Variants in VPS13B observed in about 807,000 individuals in gnomAD.
VPS13B encodes vacuolar protein sorting 13 homolog B.
VPS13B carries 285 observed loss-of-function variants against 426.4 expected under a neutral mutation model. The ratio of observed to expected loss-of-function variants is 0.67; its 90% CI spans 0.61 to 0.74. VPS13B has a LOEUF of 0.74. VPS13B is among the 30% of genes least tolerant of loss of function. VPS13B has a pLI of 0.00. For synonymous variants in VPS13B, 1,676 were observed against 1,676.4 expected (o/e 1.00, Z 0.01); for missense variants, 4,537 against 4,782.6 (o/e 0.95, Z 1.51).
At chr8:99,108,663 C>A (rs1444141737) in intron 5 of VPS13B, among the ~76,000 whole-genome samples, 1 of 152,004 alleles carries the variant, frequency 6.6e-6, no homozygotes, top group African/African-American at 2.4e-5. Context: ...CAGTACCGTA[C>A]TGTTTTGGTT....
intron 33 of VPS13B, among the ~76,000 whole-genome samples, chr8:99,595,796 T>A (rs988519211): frequency 1.3e-5 from 2 of 151,880 alleles, no homozygotes; most frequent in African/African-American, 4.8e-5. Flanking sequence ...TAAAAAGGAC[T>A]CTTATAACTC....
rs1287209696 is a variant in VPS13B, at chr8:99,876,332, G to GAAGT, written c.*667_*670dup. On this transcript the variant is annotated 3_prime_UTR_variant, in exon 62 of 62. Transcript: ENST00000357162. Reference sequence around the variant, plus strand: ...GAAAGCTGCTATGTGTATTTTCTCTGAAGTCTGCATTTTACTAAAATTTAC... The same window carrying GAAGT: ...GAAAGCTGCTATGTGTATTTTCTCTGAAGTAAGTCTGCATTTTACTAAAATTTAC... 1 of 152,156 alleles carries GAAGT rather than the reference G, an allele frequency of 6.6e-6. No homozygotes were observed. The highest frequency in any genetic ancestry group is 2.4e-5 in the African/African-American group (1 of 40,956). The allele number at this position is 152,156 out of a possible 1,614,324, so 9.4% of individuals were successfully genotyped here.
intron 21 of VPS13B, among the ~76,000 whole-genome samples, chr8:99,403,270 T>C (rs1375188118): frequency 6.6e-6 from 1 of 152,126 alleles, no homozygotes; most frequent in Non-Finnish European, 1.5e-5. Flanking sequence ...AAACAGGTCT[T>C]ATCCAGTGCC....
chr8:99,821,151 CA>C (rs1814340162), intron 49 of VPS13B, 142 bp from the exon 50 acceptor site: 1 of 641,984 alleles, frequency 1.6e-6, no homozygotes, highest in Non-Finnish European at 2.7e-6. Flanking sequence ...CACACACACA[CA>C]CACACACACA....
intron 33 of VPS13B, among the ~76,000 whole-genome samples, chr8:99,611,852 A>G (rs1827855935): frequency 6.6e-6 from 1 of 152,134 alleles, no homozygotes; most frequent in Non-Finnish European, 1.5e-5. Context: ...AAATACAGAT[A>G]AAGGATAAGA....
At chr8:99,692,851 G>A (rs1485757049) in intron 35 of VPS13B, among the ~76,000 whole-genome samples, 2 of 145,952 alleles carry the variant, frequency 1.4e-5, no homozygotes, top group Non-Finnish European at 3.0e-5. Flanking sequence ...AATAAAAAAT[G>A]ATAAAGGGGA....
At chr8:99,779,676 T>G (rs1042658918) in intron 42 of VPS13B, among the ~76,000 whole-genome samples, 11 of 152,190 alleles carry the variant, frequency 7.2e-5, no homozygotes, top group African/African-American at 4.8e-5. Flanking sequence ...AAGTGGCATA[T>G]TTAAAATGGG....
Position 99,147,864 on chromosome 8 carries a change from A to G in VPS13B, c.1867A>G (p.Ile623Val), listed in dbSNP as rs772230700. Residue 623 changes from isoleucine to valine, a missense_variant, in exon 14 of 62, where the codon ATA (isoleucine) becomes GTA (valine). Ile to Val is a conservative substitution (Grantham distance 29, BLOSUM62 3). This residue lies in a region of VPS13B where 4,311 missense variants were observed against 4,474.3 expected (regional missense o/e 0.96). Transcript: ENST00000357162. The stretch of plus-strand genomic sequence containing the variant: ...AGATATTAAGGATGAAAATGAAACA[A>G]TACTGAATCCTGAAGAGGTGGCTCT... ...KSDIKDENETILNPEEVALLE... is the reference protein window; with the variant it reads ...KSDIKDENETVLNPEEVALLE... 6.3e-7 allele frequency: 1 copy of G among 1,586,094 alleles called. No individual in the cohort carries two copies. The highest frequency in any genetic ancestry group is 8.6e-7 in the Non-Finnish European group (1 of 1,166,418).
At chr8:99,633,396 T>C (rs1468710573) in intron 33 of VPS13B, among the ~76,000 whole-genome samples, 2 of 152,028 alleles carry the variant, frequency 1.3e-5, no homozygotes, top group African/African-American at 4.8e-5. Context: ...TTCATCTGCT[T>C]CAGGGTCAGG....
At chr8:99,601,004 A>AT (rs911152778) in intron 33 of VPS13B, among the ~76,000 whole-genome samples, 9 of 151,436 alleles carry the variant, frequency 5.9e-5, no homozygotes, top group African/African-American at 1.7e-4. Context: ...CCTTTTTTTA[A>AT]TTTTTTTTAT....
Position 99,301,555 on chromosome 8 carries a change from G to A in VPS13B, c.2824+26301G>A, listed in dbSNP as rs566437810. Among the ~76,000 whole-genome samples the A allele has an allele frequency of 1.6e-4, 25 of 151,856 alleles. 1 individual carries two copies. The highest frequency in any genetic ancestry group is 5.8e-4 in the African/African-American group (24 of 41,426). ...TCTGCCTGCCTCGGCCTCCCAAAGT[G>A]CTGGGATTACAGGCGTGAGCCACTG... is the stretch of plus-strand genomic sequence containing the variant. On this transcript the variant is annotated intron_variant, in intron 19 of 61. Coordinates refer to ENST00000357162, the MANE Select transcript of VPS13B (RefSeq NM_152564.5).
chr8:99,528,773 G>A (rs920475112), intron 30 of VPS13B, among the ~76,000 whole-genome samples: 3 of 152,084 alleles, frequency 2.0e-5, no homozygotes, highest in Non-Finnish European at 2.9e-5. Context: ...ATAGAGAAAA[G>A]TGTTCATAAA....
At chr8:99,437,666 C>G (rs923955093) in intron 22 of VPS13B, among the ~76,000 whole-genome samples, 1 of 151,694 alleles carries the variant, frequency 6.6e-6, no homozygotes, top group African/African-American at 2.4e-5. Context: ...TGCAGGGAGC[C>G]GAGATTGCGC....
intron 36 of VPS13B, among the ~76,000 whole-genome samples, chr8:99,701,665 AC>A (rs1832287585): frequency 6.6e-6 from 1 of 152,196 alleles, no homozygotes; most frequent in Non-Finnish European, 1.5e-5. Flanking sequence ...GACTAAACAT[AC>A]TTTATACAAC....
At chr8:99,803,210 C>T (rs894835034) in intron 43 of VPS13B, among the ~76,000 whole-genome samples, 32 of 152,288 alleles carry the variant, frequency 2.1e-4, no homozygotes, top group African/African-American at 7.2e-4. Flanking sequence ...GATTACCTTT[C>T]AGCCACAATT....
chr8:99,281,403 T>C (rs1819164164), intron 19 of VPS13B, among the ~76,000 whole-genome samples: 2 of 152,218 alleles, frequency 1.3e-5, no homozygotes, highest in African/African-American at 4.8e-5. Flanking sequence ...TTCTGGACTG[T>C]CTATTCAGAG....
intron 19 of VPS13B, among the ~76,000 whole-genome samples, chr8:99,309,408 A>G (rs548780103): frequency 7.2e-5 from 11 of 152,326 alleles, no homozygotes; most frequent in African/African-American, 2.4e-4. Flanking sequence ...ATGGCTAGCC[A>G]GTTTTCCCAC....
At chr8:99,270,483 CTT>C (rs1314055076) in intron 17 of VPS13B, among the ~76,000 whole-genome samples, 1 of 151,652 alleles carries the variant, frequency 6.6e-6, no homozygotes, top group East Asian at 1.9e-4. Flanking sequence ...TGATAAGAGT[CTT>C]ATATATAACA....
chr8:99,075,296 G>A (rs1441188631), intron 3 of VPS13B, among the ~76,000 whole-genome samples: 1 of 152,098 alleles, frequency 6.6e-6, no homozygotes, highest in African/African-American at 2.4e-5. Context: ...TAGCTTCTGG[G>A]GAGGTCTCAG....
Sources: allele counts gnomAD v4.1 joint callset (sites outside exome capture counted in the v4.1 genomes callset), GRCh38; gene constraint gnomAD v4.1.1; regional missense constraint gnomAD v4.1.1; transcripts MANE v1.5; gene names NCBI Gene and HGNC (gene_info 2026-07-23, HGNC 2026-07-21).